The following NIPAL3 variants were observed in gnomAD, a reference collection of about 807,000 sequenced individuals.
NIPAL3 encodes NIPA-like protein 3.
A neutral mutation model predicts 47.2 loss-of-function variants in NIPAL3; 41 were observed. That is an observed-to-expected ratio of 0.87 (90% CI 0.68 to 1.13). The LOEUF is 1.13. Among genes scored for constraint, NIPAL3 ranks in the 50% most tolerant of loss-of-function variants. NIPAL3 has a pLI of 0.00. For missense variants in NIPAL3, 449 were observed against 530.1 expected, an observed-to-expected ratio of 0.85 and a Z score of 1.50; for synonymous variants, 194 against 209.6, an observed-to-expected ratio of 0.93 and a Z score of 0.64.
chr1:24,418,440 G>A (rs1168986014), intron 1 of NIPAL3, among the ~76,000 whole-genome samples: 1 of 151,996 alleles, frequency 6.6e-6, no homozygotes, highest in Non-Finnish European at 1.5e-5. Context: ...AGACCAGCCT[G>A]ATAACATGGC....
rs867289908 is a variant in NIPAL3, at chr1:24,453,457, A to G, written c.590A>G (p.Lys197Arg). ...TTGCTGCTCTACTTCTACAAGGAGA[A>G]GAACGCCAACAACATTGTCGTGATT... Reference protein sequence around the residue: ...FCLLLYFYKEKNANNIVVILL... With the variant: ...FCLLLYFYKERNANNIVVILL... Residue 197 changes from lysine to arginine, a missense_variant, in exon 7 of 12, where the codon AAG (lysine) becomes AGG (arginine). Physicochemically the swap from Lys to Arg is conservative, Grantham distance 26. Transcript: ENST00000374399. The G allele has an allele frequency of 1.9e-6, 3 of 1,613,688 alleles. No individual in the cohort carries two copies. The South Asian group carries it at 3.3e-5, about 18-fold the overall frequency.
chr1:24,464,020 C>A lies in NIPAL3; in HGVS notation c.927-6C>A. On this transcript the variant is annotated splice_region_variant and splice_polypyrimidine_tract_variant and intron_variant, in intron 10 of 11. Transcript: ENST00000374399. ...TTTCTCTTCCTATCTTATCTCCATT[C>A]CGCAGGTGCCTCATTGCATTCTTGG... The A allele has an allele frequency of 1.9e-6, 3 of 1,610,108 alleles. No individual in the cohort carries two copies. The highest frequency in any genetic ancestry group is 2.5e-6 in the Non-Finnish European group (3 of 1,177,408).
chr1:24,460,802 C>T (rs967296352), intron 10 of NIPAL3, among the ~76,000 whole-genome samples: 4 of 152,138 alleles, frequency 2.6e-5, no homozygotes, highest in African/African-American at 9.7e-5. Flanking sequence ...AACCTCACCT[C>T]GGATCTAAGA....
Position 24,469,579 on chromosome 1 carries a change from A to C in NIPAL3, c.*394A>C, listed in dbSNP as rs35913793. On this transcript the variant is annotated 3_prime_UTR_variant, in exon 12 of 12. Transcript: ENST00000374399. ...ATTCTCAAATCCAGCGAAAGGCTGG[A>C]CATCTCTAAATCTCGTCTTCCTCCA... 0.066 allele frequency: 11,556 copies of C among 176,110 alleles called. 511 individuals carry two copies. Among genetic ancestry groups the C allele is most frequent in the Non-Finnish European group, 0.098 (8,038 of 81,792 alleles). The allele number at this position is 176,110 out of a possible 1,614,324, so 10.9% of individuals were successfully genotyped here.
chr1:24,430,287 G>GACTGGAGT (rs1644819938), intron 2 of NIPAL3, among the ~76,000 whole-genome samples: 1 of 115,736 alleles, frequency 8.6e-6, no homozygotes, highest in African/African-American at 4.1e-5. Context: ...TTGTTGCCCA[G>GACTGGAGT]GCTGGAGTGC....
chr1:24,413,679 C>G (rs1570128101), upstream of NIPAL3: 1 of 152,320 alleles, frequency 6.6e-6, no homozygotes, highest in Non-Finnish European at 1.5e-5. Flanking sequence ...CCTACCTGGT[C>G]CGGTCCCGGC....
In NIPAL3 at chr1:24,471,328, C is replaced by T. The variant is rs1462600284; in HGVS notation, c.*2143C>T. 3 of 152,594 alleles carry T rather than the reference C, an allele frequency of 2.0e-5. No homozygotes were observed. Among genetic ancestry groups the T allele is most frequent in the Non-Finnish European group, 4.4e-5 (3 of 68,382 alleles). 9.5% of individuals were successfully genotyped at this position (152,594 alleles called of 1,614,324 possible). A position where few individuals can be genotyped will look rare whatever the true frequency, so the allele number is the denominator to read the frequency against. Reference sequence around the variant, plus strand: ...GTGGCTCATGCCTGCAATCCCAGCACTTTGGGAGGCCAAGGCTGGAGGATC... The same window carrying T: ...GTGGCTCATGCCTGCAATCCCAGCATTTTGGGAGGCCAAGGCTGGAGGATC... On this transcript the variant is annotated 3_prime_UTR_variant, in exon 12 of 12. Transcript: ENST00000374399.
rs573590865 is a variant in NIPAL3, at chr1:24,427,536, T to G, written c.93+7896T>G. On this transcript the variant is annotated intron_variant, in intron 2 of 11. Transcript: ENST00000374399. ...AAGAAACCTCAGCCATCTGTGTCCTTAGTGGAAATGTGGCACTGATAAGGT... is the reference window on the plus strand; with the variant it reads ...AAGAAACCTCAGCCATCTGTGTCCTGAGTGGAAATGTGGCACTGATAAGGT... 4.6e-5 allele frequency among the ~76,000 whole-genome samples: 7 copies of G among 152,370 alleles called. No individual in the cohort carries two copies. The South Asian group carries it at 1.4e-3, about 32-fold the overall frequency.
chr1:24,422,018 T>A (rs1212933743), intron 2 of NIPAL3: 4 of 152,250 alleles, frequency 2.6e-5, no homozygotes, highest in African/African-American at 9.7e-5. Context: ...TGCAGGTCAT[T>A]AAAGGCTTTT....
Position 24,454,252 on chromosome 1 carries a change from A to G in NIPAL3, c.637+748A>G. The G allele has an allele frequency of 8.5e-7, 1 of 1,169,786 alleles. No individual in the cohort carries two copies. The highest frequency in any genetic ancestry group is 1.1e-6 in the Non-Finnish European group (1 of 934,798). 72.5% of individuals were successfully genotyped at this position (1,169,786 alleles called of 1,614,324 possible). A position where few individuals can be genotyped will look rare whatever the true frequency, so the allele number is the denominator to read the frequency against. On this transcript the variant is annotated intron_variant, in intron 7 of 11. Transcript: ENST00000374399. The surrounding 1 kb of genome is among the most constrained non-coding windows in gnomAD (Gnocchi z 4.1). ...TGGGGAATCCATCCTTCCTGAGGAG[A>G]AGCAGACAGAGGCGGAGGAGCAGGC...
chr1:24,460,912 C>T (rs949394434), intron 10 of NIPAL3, among the ~76,000 whole-genome samples: 7 of 152,140 alleles, frequency 4.6e-5, no homozygotes, highest in African/African-American at 1.7e-4. Context: ...CCGCCTACTA[C>T]CACACTGTTA....
chr1:24,469,435 C>A lies in NIPAL3; in HGVS notation c.*250C>A. 2.3e-6 allele frequency: 1 copy of A among 439,436 alleles called. No individual in the cohort carries two copies. The highest frequency in any genetic ancestry group is 4.1e-6 in the Non-Finnish European group (1 of 245,820). 27.2% of individuals were successfully genotyped at this position (439,436 alleles called of 1,614,324 possible). ...GAATCCAGCCTCTGCCTGGATTAGCCCAGGGGGATTTGGAAAGCCTTTCTA... is the reference window on the plus strand; with the variant it reads ...GAATCCAGCCTCTGCCTGGATTAGCACAGGGGGATTTGGAAAGCCTTTCTA... On this transcript the variant is annotated 3_prime_UTR_variant, in exon 12 of 12. Transcript: ENST00000374399.
Position 24,445,287 on chromosome 1 carries a change from C to T in NIPAL3, c.394+43C>T, listed in dbSNP as rs199684969. 149 of 1,358,622 alleles carry T rather than the reference C, an allele frequency of 1.1e-4. 2 individuals are homozygous for T. Among genetic ancestry groups the T allele is most frequent in the South Asian group, 2.6e-4 (22 of 85,072 alleles). 84.2% of individuals were successfully genotyped at this position (1,358,622 alleles called of 1,614,324 possible). A position where few individuals can be genotyped will look rare whatever the true frequency, so the allele number is the denominator to read the frequency against. On this transcript the variant is annotated intron_variant, in intron 5 of 11. Coordinates refer to ENST00000374399, the MANE Select transcript of NIPAL3 (RefSeq NM_020448.5). The stretch of plus-strand genomic sequence containing the variant: ...AGCTGTGTCCTTGATTTTATATGAA[C>T]GCTTTTTATTAATTGTAAAACCAGT...
At position 24,468,312 on chromosome 1, in the gene NIPAL3, C is replaced by T. The variant is rs1203425706; in HGVS notation, c.1022-674C>T. 2.0e-5 allele frequency among the ~76,000 whole-genome samples: 3 copies of T among 150,836 alleles called. No homozygotes were observed. In the East Asian group the frequency reaches 5.8e-4, roughly 29 times the overall value. On this transcript the variant is annotated intron_variant, in intron 11 of 11. Transcript: ENST00000374399. ...CCTGGGCGACAGAGCAAGACCCTGTCTCAATAAATAAATAAATAAATAAAT... is the reference window on the plus strand; with the variant it reads ...CCTGGGCGACAGAGCAAGACCCTGTTTCAATAAATAAATAAATAAATAAAT...
intron 2 of NIPAL3, among the ~76,000 whole-genome samples, chr1:24,435,443 G>A (rs1296741551): frequency 6.6e-6 from 1 of 152,072 alleles, no homozygotes; most frequent in Non-Finnish European, 1.5e-5. Context: ...TAATTCCCTT[G>A]TCATTTCTTC....
rs1644039212 is a variant in NIPAL3, at chr1:24,416,431, C to T, written c.-258+527C>T. On this transcript the variant is annotated intron_variant, in intron 1 of 11. Coordinates refer to ENST00000374399, the MANE Select transcript of NIPAL3 (RefSeq NM_020448.5). The surrounding 1 kb of genome is among the most constrained non-coding windows in gnomAD (Gnocchi z 4.8). ...CAGATCGTCGGGTGGTGGGAAAGAG[C>T]GTGTTTTATTGATTTGTTCAGAAAG... 5.6e-6 allele frequency: 4 copies of T among 711,292 alleles called. No homozygotes were observed. The highest frequency in any genetic ancestry group is 6.3e-5 in the Admixed American group (1 of 15,928). The allele number at this position is 711,292 out of a possible 1,614,324, so 44.1% of individuals were successfully genotyped here. A position where few individuals can be genotyped will look rare whatever the true frequency, so the allele number is the denominator to read the frequency against.
intron 4 of NIPAL3, 92 bp from the exon 5 acceptor site, chr1:24,445,093 A>G (rs969933386): frequency 4.9e-6 from 4 of 813,874 alleles, no homozygotes; most frequent in Middle Eastern, 2.3e-4. Flanking sequence ...CCAAGCTCCA[A>G]TGCAAAGAAG....
intron 2 of NIPAL3, among the ~76,000 whole-genome samples, chr1:24,438,368 T>C (rs1422290015): frequency 3.3e-5 from 5 of 152,208 alleles, no homozygotes; most frequent in South Asian, 4.1e-4. Context: ...GCTCCACATC[T>C]TTCCCTTCTG....
chr1:24,441,129 G>A (rs747366526), intron 3 of NIPAL3, among the ~76,000 whole-genome samples: 3 of 152,112 alleles, frequency 2.0e-5, no homozygotes, highest in Non-Finnish European at 4.4e-5. Flanking sequence ...CACACTGGCC[G>A]GCTTCACTCC....
Sources: gnomAD v4.1 joint callset for allele counts (sites outside exome capture counted in the v4.1 genomes callset) on GRCh38, gnomAD v4.1.1 for gene constraint, Gnocchi (gnomAD v3.1) non-coding constraint, MANE v1.5 for transcripts, NCBI Gene and HGNC (gene_info 2026-07-23, HGNC 2026-07-21) for gene names.